Variants in DPP6 observed in about 807,000 individuals in gnomAD.
The protein encoded by DPP6 is A-type potassium channel modulatory protein DPP6.
In DPP6, 69 loss-of-function variants were observed where a neutral mutation model predicts 122.6. The ratio of observed to expected loss-of-function variants is 0.56; its 90% confidence interval spans 0.46 to 0.69. The LOEUF (loss-of-function observed/expected upper bound fraction) is 0.69. Among genes scored for constraint, DPP6 ranks in the 30% least tolerant of loss-of-function variants. The pLI is 0.00. For synonymous variants in DPP6, 418 were observed against 433.1 expected, an observed-to-expected ratio of 0.97 and a Z score of 0.43; for missense variants, 928 against 1,116.9, an observed-to-expected ratio of 0.83 and a Z score of 2.41.
At position 153,979,275 on chromosome 7, in the gene DPP6, G is replaced by T. The variant is rs1266947662; in HGVS notation, c.51+91541G>T. ...GGTCCTTCACACCCCTTGTCAGTTG[G>T]ATTCCTAGGTATTTTATTCTCTTTG... On this transcript the variant is annotated intron_variant, in intron 1 of 25. Transcript: ENST00000404039. 7.2e-5 allele frequency among the ~76,000 whole-genome samples: 11 copies of T among 152,318 alleles called. 1 individual carries two copies. In the South Asian group the frequency reaches 2.3e-3, roughly 32 times the overall value.
intron 1 of DPP6, among the ~76,000 whole-genome samples, chr7:154,167,573 C>G (rs1030007969): frequency 4.6e-5 from 7 of 152,210 alleles, no homozygotes; most frequent in African/African-American, 1.7e-4. Context: ...CATTTTACAG[C>G]TCTCTTACTT....
At chr7:154,574,429 GGTGT>G (rs1310856671) in intron 5 of DPP6, among the ~76,000 whole-genome samples, 1,631 of 138,170 alleles carry the variant, frequency 0.012, 14 homozygotes, top group South Asian at 0.026. Flanking sequence ...GTATATGTGT[GGTGT>G]GTGTGTATGT....
At chr7:154,188,703 C>T (rs1355937840) in intron 1 of DPP6, among the ~76,000 whole-genome samples, 1 of 152,164 alleles carries the variant, frequency 6.6e-6, no homozygotes, top group Non-Finnish European at 1.5e-5. Context: ...CCCACACAAC[C>T]CCACACCTGT....
chr7:154,832,126 A>G (rs774097089), intron 16 of DPP6, among the ~76,000 whole-genome samples: 1 of 152,168 alleles, frequency 6.6e-6, no homozygotes, highest in African/African-American at 2.4e-5. Context: ...ACAGGTTATG[A>G]CTCTTCTTTC....
At chr7:154,372,295 A>G (rs2151122364) in intron 1 of DPP6, among the ~76,000 whole-genome samples, 1 of 152,232 alleles carries the variant, frequency 6.6e-6, no homozygotes, top group East Asian at 1.9e-4. Context: ...GAGTTTTGAG[A>G]GGAACCTAGG....
At position 154,041,463 on chromosome 7, in the gene DPP6, T is replaced by C. The variant is rs140473861; in HGVS notation, c.51+153729T>C. On this transcript the variant is annotated intron_variant, in intron 1 of 25. Coordinates refer to the DPP6 transcript ENST00000404039. ...TTGGCCCTCTCGGGAACTCTGTGCT[T>C]AAATAAAGCTGATAGGATTGGCCTC... 2.9e-3 allele frequency among the ~76,000 whole-genome samples: 441 copies of C among 152,298 alleles called. 1 individual carries two copies. Among genetic ancestry groups the C allele is most frequent in the African/African-American group, 9.8e-3 (409 of 41,544 alleles).
intron 1 of DPP6, among the ~76,000 whole-genome samples, chr7:154,310,454 C>T (rs1287377982): frequency 1.3e-5 from 2 of 152,204 alleles, no homozygotes; most frequent in African/African-American, 4.8e-5. Context: ...AGAGCAAGGA[C>T]AAATGATACC....
At chr7:154,679,781 C>T (rs1839172281) in intron 7 of DPP6, among the ~76,000 whole-genome samples, 1 of 152,276 alleles carries the variant, frequency 6.6e-6, no homozygotes, top group Middle Eastern at 3.4e-3. Context: ...GCACTGAGGT[C>T]TGTGACAGTA....
At chr7:154,265,816 C>G (rs574672134) in intron 1 of DPP6, among the ~76,000 whole-genome samples, 1 of 152,242 alleles carries the variant, frequency 6.6e-6, no homozygotes, top group South Asian at 2.1e-4. Context: ...AAACCTTAGA[C>G]TTTTTCACCC....
At chr7:154,059,868 T>A (rs146295146) in intron 1 of DPP6, among the ~76,000 whole-genome samples, 3,761 of 143,996 alleles carry the variant, frequency 0.026, 130 homozygotes, top group African/African-American at 0.085. Context: ...CCCCCCTATT[T>A]GACGGCCTTG....
At chr7:153,815,539 C>T in the DPP6 span, among the ~76,000 whole-genome samples, 1 of 151,156 alleles carries the variant, frequency 6.6e-6, no homozygotes, top group African/African-American at 2.4e-5. Flanking sequence ...CCACAGCAGT[C>T]CCCAGAGTGT....
chr7:154,420,107 C>T (rs529976395), intron 1 of DPP6, among the ~76,000 whole-genome samples: 1 of 152,304 alleles, frequency 6.6e-6, no homozygotes, highest in East Asian at 1.9e-4. Context: ...GAGGCTGAGG[C>T]AGGCGGACCA....
intron 8 of DPP6, among the ~76,000 whole-genome samples, chr7:154,753,954 A>G (rs980332376): frequency 6.6e-6 from 1 of 152,228 alleles, no homozygotes; most frequent in Non-Finnish European, 1.5e-5. Context: ...TCTTTGAACA[A>G]TAGAACCAGG....
intron 16 of DPP6, among the ~76,000 whole-genome samples, chr7:154,818,190 G>A (rs1799539300): frequency 6.6e-6 from 1 of 152,188 alleles, no homozygotes; most frequent in African/African-American, 2.4e-5. Context: ...GGGCATGCAT[G>A]AAGAGACGCA....
intron 5 of DPP6, among the ~76,000 whole-genome samples, chr7:154,613,164 A>G (rs140375377): frequency 1.6e-4 from 24 of 152,282 alleles, no homozygotes; most frequent in Non-Finnish European, 3.1e-4. Flanking sequence ...CTTATCCATC[A>G]GGGGGTAAGG....
intron 1 of DPP6, among the ~76,000 whole-genome samples, chr7:154,232,187 C>T (rs867737833): frequency 6.6e-6 from 1 of 152,010 alleles, no homozygotes; most frequent in South Asian, 2.1e-4. Context: ...CAAAATCAGG[C>T]TATCTAACAG....
At chr7:154,784,101 G>T (rs1425167763) in intron 10 of DPP6, among the ~76,000 whole-genome samples, 1 of 152,210 alleles carries the variant, frequency 6.6e-6, no homozygotes, top group East Asian at 1.9e-4. Flanking sequence ...TGCTGCAAGG[G>T]GTCCTGTGTG....
At chr7:154,848,353 T>C (rs1050927006) in intron 16 of DPP6, among the ~76,000 whole-genome samples, 2 of 152,220 alleles carry the variant, frequency 1.3e-5, no homozygotes, top group African/African-American at 2.4e-5. Flanking sequence ...TTTTTCTTTA[T>C]AATAGCCATT....
At chr7:153,809,051 C>T in the DPP6 span, among the ~76,000 whole-genome samples, 3 of 151,974 alleles carry the variant, frequency 2.0e-5, no homozygotes, top group African/African-American at 7.3e-5. Context: ...ACGTCCCCAC[C>T]AACACTCATT....
Sources: gnomAD v4.1 joint callset for allele counts (sites outside exome capture counted in the v4.1 genomes callset) on GRCh38, gnomAD v4.1.1 for gene constraint, MANE v1.5 for transcripts, NCBI Gene and HGNC (gene_info 2026-07-23, HGNC 2026-07-21) for gene names.